SMC6: variants seen among roughly 807,000 people sequenced by gnomAD.
SMC6 encodes structural maintenance of chromosomes 6.
A neutral mutation model predicts 142.2 loss-of-function variants in SMC6; 79 were observed. The ratio of observed to expected loss-of-function variants is 0.56; its 90% CI spans 0.46 to 0.67. The LOEUF (loss-of-function observed/expected upper bound fraction) is 0.67, where lower values mean the gene tolerates loss of function less well. SMC6 is among the 30% of genes least tolerant of loss of function. The pLI, the probability that SMC6 is intolerant of heterozygous loss-of-function variation, is 0.00. For synonymous variants in SMC6, 411 were observed against 412.4 expected, an observed-to-expected ratio of 1.00 and a Z score of 0.04; for missense variants, 1,072 against 1,284.0, an observed-to-expected ratio of 0.83 and a Z score of 2.52.
At chr2:17,728,562 T>C (rs1478156214) in intron 7 of SMC6, among the ~76,000 whole-genome samples, 1 of 148,990 alleles carries the variant, frequency 6.7e-6, no homozygotes, top group African/African-American at 2.5e-5. Flanking sequence ...AAAAAAAGAA[T>C]GTTGTAGCTT....
Position 17,721,200 on chromosome 2 carries a change from C to A in SMC6, c.788G>T (p.Gly263Val), listed in dbSNP as rs1281177819. 1 of 1,611,922 alleles carries A rather than the reference C, an allele frequency of 6.2e-7. No homozygotes were observed. The highest frequency in any genetic ancestry group is 8.5e-7 in the Non-Finnish European group (1 of 1,179,434). The change falls in exon 10 of 28, where the codon GGT becomes GTT. Residue 263 changes from glycine (G) to valine (V), a missense_variant. By Grantham distance (109) the Gly-to-Val change is moderately radical (BLOSUM62 -3). Coordinates refer to ENST00000448223, the MANE Select transcript of SMC6 (RefSeq NM_001142286.2). ...TAAATTAGTCTTCATTGTACTTAAA[C>A]CAGCAATACTTTGAAAACGTTCCTC... ...EKEERFQSIA[G>V]LSTMKTNLES...
At chr2:17,736,861 G>C (rs978151517) in intron 5 of SMC6, among the ~76,000 whole-genome samples, 3 of 141,364 alleles carry the variant, frequency 2.1e-5, no homozygotes, top group Admixed American at 2.1e-4. Context: ...GACAGAGTGA[G>C]ACTCTGTCTC....
intron 5 of SMC6, among the ~76,000 whole-genome samples, chr2:17,733,805 C>T (rs1004411869): frequency 6.6e-6 from 1 of 152,218 alleles, no homozygotes; most frequent in Admixed American, 6.5e-5. Flanking sequence ...AACATACTCA[C>T]AGATACTGGC....
chr2:17,670,140 G>C (rs1666687411), intron 26 of SMC6, among the ~76,000 whole-genome samples: 1 of 152,186 alleles, frequency 6.6e-6, no homozygotes, highest in Non-Finnish European at 1.5e-5. Flanking sequence ...AATAAGCTGG[G>C]AGAGAGGGTG....
intron 2 of SMC6, among the ~76,000 whole-genome samples, chr2:17,750,846 CA>C (rs57638457): frequency 0.53 from 79,903 of 150,268 alleles, 23,486 homozygotes; most frequent in African/African-American, 0.77. Context: ...ACTAAAAATA[CA>C]AAAAAAAATT....
intron 9 of SMC6, among the ~76,000 whole-genome samples, chr2:17,724,054 T>C (rs1669499858): frequency 6.6e-6 from 1 of 152,104 alleles, no homozygotes; most frequent in South Asian, 2.1e-4. Context: ...ATGGAGAAAA[T>C]AAGTGTTTAA....
chr2:17,745,734 TTTTTCTTGA>T, intron 3 of SMC6, 84 bp downstream of exon 3: 2 of 1,328,796 alleles, frequency 1.5e-6, no homozygotes, highest in Non-Finnish European at 2.0e-6. Flanking sequence ...ATCATATTAC[TTTTTCTTGA>T]TTTTAAGTTA....
Position 17,707,340 on chromosome 2 carries a change from G to A in SMC6, c.1885C>T (p.Pro629Ser), listed in dbSNP as rs1668556302. The A allele has an allele frequency of 6.2e-7, 1 of 1,600,056 alleles. No homozygotes were observed. Among genetic ancestry groups the A allele is most frequent in the East Asian group, 2.3e-5 (1 of 44,036 alleles). Residue 629 changes from proline (P) to serine (S), a missense_variant, in exon 18 of 28, where the codon CCA becomes TCA. By Grantham distance (74) the Pro-to-Ser change is moderately conservative. Transcript: ENST00000448223. ...AAAGCTTCTCTACAATTTTTGGGTGGCTTTTGGGACTGCATTACTGCACGA... is the reference window on the plus strand; with the variant it reads ...AAAGCTTCTCTACAATTTTTGGGTGACTTTTGGGACTGCATTACTGCACGA... ...VARAVMQSQK[P>S]PKNCREAFTA...
intron 23 of SMC6, among the ~76,000 whole-genome samples, chr2:17,685,282 T>C (rs1434694078): frequency 1.3e-5 from 2 of 152,086 alleles, no homozygotes; most frequent in African/African-American, 4.8e-5. Flanking sequence ...GACTTAAATC[T>C]AAATATTGAA....
chr2:17,730,143 T>C (rs566331510), intron 7 of SMC6, among the ~76,000 whole-genome samples: 1 of 152,208 alleles, frequency 6.6e-6, no homozygotes, highest in Non-Finnish European at 1.5e-5. Flanking sequence ...AATTTATTTT[T>C]TGTGGCTCCC....
At chr2:17,709,841 C>A (rs1348187262) in intron 16 of SMC6, among the ~76,000 whole-genome samples, 1 of 152,062 alleles carries the variant, frequency 6.6e-6, no homozygotes, top group Non-Finnish European at 1.5e-5. Flanking sequence ...ACATAAGTAA[C>A]CTTAGAAGAC....
rs895454430 is a variant in SMC6 at position 17,750,044 on chromosome 2, T to C, written c.-6+2934A>G. On this transcript the variant is annotated intron_variant, in intron 2 of 27. Coordinates refer to ENST00000448223, the MANE Select transcript of SMC6 (RefSeq NM_001142286.2). ...AATTAAGTACACTGCTTGGAATATATCACGAAATTATATGAGACTTATTCA... is the reference window on the plus strand; with the variant it reads ...AATTAAGTACACTGCTTGGAATATACCACGAAATTATATGAGACTTATTCA... Among the ~76,000 whole-genome samples, 6 of 152,318 alleles carry C rather than the reference T, an allele frequency of 3.9e-5. No individual in the cohort carries two copies. In the East Asian group the frequency reaches 1.2e-3, roughly 29 times the overall value.
At chr2:17,693,056 T>C (rs149982423) in intron 23 of SMC6, among the ~76,000 whole-genome samples, 1 of 152,030 alleles carries the variant, frequency 6.6e-6, no homozygotes, top group Non-Finnish European at 1.5e-5. Flanking sequence ...TCAGGAAACA[T>C]CAGGTGCTGG....
chr2:17,684,451 C>A (rs1344080068), intron 23 of SMC6, among the ~76,000 whole-genome samples: 2 of 152,200 alleles, frequency 1.3e-5, no homozygotes, highest in Admixed American at 1.3e-4. Flanking sequence ...CAGCAAAACT[C>A]TCCTACAGAC....
In SMC6 at chr2:17,724,894, CA is replaced by C. The variant is rs1669539295; in HGVS notation, c.726+362del. Among the ~76,000 whole-genome samples the C allele has an allele frequency of 2.6e-5, 4 of 152,234 alleles. No homozygotes were observed. The South Asian group carries it at 8.3e-4, about 32-fold the overall frequency. On this transcript the variant is annotated intron_variant, in intron 9 of 27. Coordinates refer to ENST00000448223, the MANE Select transcript of SMC6 (RefSeq NM_001142286.2). ...TTGAAGCTTGTGCTTATTATCCCAG[CA>C]GAAGAAATATTGCAGTTTTTAAACT...
intron 26 of SMC6, 93 bp downstream of exon 26, chr2:17,670,330 A>AG (rs1666696586): frequency 7.8e-7 from 1 of 1,285,520 alleles, no homozygotes; most frequent in South Asian, 1.5e-5. Context: ...CTTTCCTGTT[A>AG]GGGGTAAAAC....
chr2:17,746,194 T>C (rs1670738221), intron 2 of SMC6: 1 of 333,798 alleles, frequency 3.0e-6, no homozygotes, highest in Non-Finnish European at 5.4e-6. Context: ...ATAGCCCTAC[T>C]GACATCTGGA....
intron 26 of SMC6, among the ~76,000 whole-genome samples, chr2:17,666,719 A>G (rs1270427347): frequency 6.6e-6 from 1 of 152,070 alleles, no homozygotes; most frequent in East Asian, 1.9e-4. Context: ...GCAGTGGCTC[A>G]TGTTTGTAAT....
intron 4 of SMC6, among the ~76,000 whole-genome samples, chr2:17,740,511 G>A (rs1319773479): frequency 6.6e-6 from 1 of 152,238 alleles, no homozygotes; most frequent in East Asian, 1.9e-4. Flanking sequence ...TGTCCACAAT[G>A]TGGTCAGTTT....
Sources: gnomAD v4.1 joint callset for allele counts (sites outside exome capture counted in the v4.1 genomes callset) on GRCh38, gnomAD v4.1.1 for gene constraint, MANE v1.5 for transcripts, NCBI Gene and HGNC (gene_info 2026-07-23, HGNC 2026-07-21) for gene names.